The following ATP2A2 variants were observed in gnomAD, a reference collection of about 807,000 sequenced individuals.
The protein encoded by ATP2A2 is sarcoplasmic/endoplasmic reticulum calcium ATPase 2.
Under a neutral mutation model 109.3 loss-of-function variants are expected in ATP2A2, and 14 were observed. The observed-to-expected ratio is 0.13, with a 90% confidence interval of 0.08 to 0.20. The LOEUF is 0.20. Ranked by LOEUF, ATP2A2 falls within the 10% of genes least tolerant of loss-of-function variation. ATP2A2 has a pLI of 1.00. For synonymous variants in ATP2A2, 506 were observed against 490.9 expected (o/e 1.03, Z -0.41); for missense variants, 657 against 1,321.6 (o/e 0.50, Z 7.80).
chr12:110,328,073 T>TGCCTTC, intron 8 of ATP2A2, 56 bp downstream of exon 8: 1 of 1,529,694 alleles, frequency 6.5e-7, no homozygotes, highest in Non-Finnish European at 9.0e-7. Flanking sequence ...ATCCTACCAA[T>TGCCTTC]ATGCCTTCAT....
At chr12:110,332,104 C>T (rs920527719) in intron 8 of ATP2A2, 4 of 186,478 alleles carry the variant, frequency 2.1e-5, no homozygotes, top group Non-Finnish European at 4.5e-5. Flanking sequence ...TTATTTTACT[C>T]GGGAAATGTT....
At position 110,281,786 on chromosome 12, in the gene ATP2A2, A is replaced by G; in HGVS notation, c.-4A>G. On this transcript the variant is annotated 5_prime_UTR_variant, in exon 1 of 20. Coordinates refer to ENST00000539276, the MANE Select transcript of ATP2A2 (RefSeq NM_170665.4). Reference sequence around the variant, plus strand: ...GAGGCGAGGCCGGCCGGGCCCCCGAAGCCATGGAGAACGCGCACACCAAGA... The same window carrying G: ...GAGGCGAGGCCGGCCGGGCCCCCGAGGCCATGGAGAACGCGCACACCAAGA... 1 of 1,503,024 alleles carries G rather than the reference A, an allele frequency of 6.7e-7. No individual in the cohort carries two copies. Among genetic ancestry groups the G allele is most frequent in the Non-Finnish European group, 8.9e-7 (1 of 1,123,214 alleles). 93.1% of individuals were successfully genotyped at this position (1,503,024 alleles called of 1,614,324 possible).
At chr12:110,343,120 C>T in intron 15 of ATP2A2, 112 bp from the exon 16 acceptor site, 1 of 1,096,992 alleles carries the variant, frequency 9.1e-7, no homozygotes, top group African/African-American at 1.6e-5. Flanking sequence ...TACAGATTAC[C>T]TGAAGTTGTT....
intron 18 of ATP2A2, chr12:110,345,755 A>G (rs948111069): frequency 3.3e-5 from 20 of 600,366 alleles, no homozygotes; most frequent in East Asian, 5.8e-5. Flanking sequence ...CTCCAGGGCA[A>G]TTGGGAACAG....
In ATP2A2 at chr12:110,348,015, A is replaced by C. The variant is rs1215343981; in HGVS notation, c.*1545A>C. 2.4e-5 allele frequency: 24 copies of C among 987,542 alleles called. No homozygotes were observed. The highest frequency in any genetic ancestry group is 2.8e-5 in the Non-Finnish European group (23 of 831,454). The allele number at this position is 987,542 out of a possible 1,614,324, so 61.2% of individuals were successfully genotyped here. On this transcript the variant is annotated 3_prime_UTR_variant, in exon 20 of 20. Coordinates refer to ENST00000539276, the MANE Select transcript of ATP2A2 (RefSeq NM_170665.4). ...TTTCATAGACCTCCACAGGCTGCCT[A>C]GGACAAGATGACCAGGAGGGCCCAA...
Position 110,342,570 on chromosome 12 carries a change from G to T in ATP2A2, c.2318+122G>T. On this transcript the variant is annotated intron_variant, in intron 15 of 19. Transcript: ENST00000539276. The surrounding 1 kb of genome is among the most constrained non-coding windows in gnomAD (Gnocchi z 4.6). Reference sequence around the variant, plus strand: ...TGGTCTTTGTGCCTGAGTTGGAAGAGGGGAGTGGGCAAGACAGAAATGCCT... The same window carrying T: ...TGGTCTTTGTGCCTGAGTTGGAAGATGGGAGTGGGCAAGACAGAAATGCCT... 8.4e-7 allele frequency: 1 copy of T among 1,196,376 alleles called. No homozygotes were observed. The highest frequency in any genetic ancestry group is 2.5e-5 in the East Asian group (1 of 39,310). The allele number at this position is 1,196,376 out of a possible 1,614,324, so 74.1% of individuals were successfully genotyped here.
At chr12:110,334,218 C>G (rs1311536147) in intron 11 of ATP2A2, 75 bp downstream of exon 11, 8 of 1,567,172 alleles carry the variant, frequency 5.1e-6, no homozygotes, top group Non-Finnish European at 7.0e-6. Flanking sequence ...CTGCACTGTC[C>G]TACTCTCTTA....
chr12:110,302,784 A>G (rs1371752668), intron 5 of ATP2A2, among the ~76,000 whole-genome samples: 1 of 152,062 alleles, frequency 6.6e-6, no homozygotes, highest in Non-Finnish European at 1.5e-5. Flanking sequence ...GTTGTAGTAG[A>G]GATGGGGTTT....
chr12:110,330,756 G>A (rs1878256350), intron 8 of ATP2A2: 1 of 152,116 alleles, frequency 6.6e-6, no homozygotes. Flanking sequence ...GGTGCTAATT[G>A]GTATTCTGCA....
In ATP2A2 at chr12:110,342,555, GC is replaced by G; in HGVS notation, c.2318+109del. 1 of 1,333,548 alleles carries G rather than the reference GC, an allele frequency of 7.5e-7. No homozygotes were observed. The highest frequency in any genetic ancestry group is 1.3e-5 in the South Asian group (1 of 79,782). The allele number at this position is 1,333,548 out of a possible 1,614,324, so 82.6% of individuals were successfully genotyped here. A position where few individuals can be genotyped will look rare whatever the true frequency, so the allele number is the denominator to read the frequency against. On this transcript the variant is annotated intron_variant, in intron 15 of 19. Transcript: ENST00000539276. This position sits in a 1 kb window ranked among gnomAD's most constrained non-coding sequence, Gnocchi z 4.6. ...AGATTGCAGCAGCTTTGGTCTTTGT[GC>G]CTGAGTTGGAAGAGGGGAGTGGGCA...
In ATP2A2 at chr12:110,282,720, C is replaced by T. The variant is rs1293005024; in HGVS notation, c.144C>T (p.Thr48=). The change falls in exon 3 of 20, where the codon ACC becomes ACT. Residue 48 remains threonine (T), a synonymous_variant. Transcript: ENST00000539276. ...TGTGTTTGTTTCTTACAGGAAAAACCTTGCTGGAACTTGTGATTGAGCAGT... is the reference window on the plus strand; with the variant it reads ...TGTGTTTGTTTCTTACAGGAAAAACTTTGCTGGAACTTGTGATTGAGCAGT... The part of the protein sequence containing the change: ...SNELPAEEGK[T]LLELVIEQFE... The T allele has an allele frequency of 5.0e-6, 8 of 1,613,904 alleles. No homozygotes were observed. Among genetic ancestry groups the T allele is most frequent in the African/African-American group, 2.7e-5 (2 of 74,868 alleles).
At chr12:110,315,338 C>T (rs576163252) in intron 5 of ATP2A2, among the ~76,000 whole-genome samples, 1 of 152,286 alleles carries the variant, frequency 6.6e-6, no homozygotes, top group Non-Finnish European at 1.5e-5. Context: ...AATTGGTTAC[C>T]TTTCTACCCC....
At chr12:110,317,140 A>G (rs984528504) in intron 5 of ATP2A2, among the ~76,000 whole-genome samples, 3 of 152,194 alleles carry the variant, frequency 2.0e-5, no homozygotes, top group Non-Finnish European at 4.4e-5. Flanking sequence ...TACAAAATTT[A>G]TGACTCAAAT....
chr12:110,297,593 G>A (rs1255055625), intron 5 of ATP2A2, among the ~76,000 whole-genome samples: 2 of 151,966 alleles, frequency 1.3e-5, no homozygotes, highest in Non-Finnish European at 2.9e-5. Context: ...CCTCACTGCT[G>A]TAGATTAGTG....
At chr12:110,282,931 C>T in intron 3 of ATP2A2, 136 bp downstream of exon 3, 1 of 803,156 alleles carries the variant, frequency 1.2e-6, no homozygotes, top group Non-Finnish European at 2.0e-6. Context: ...TAAAAACAAT[C>T]TGGGCATTTT....
intron 11 of ATP2A2, among the ~76,000 whole-genome samples, chr12:110,338,397 C>T (rs532310926): frequency 4.9e-4 from 74 of 152,336 alleles, no homozygotes; most frequent in Middle Eastern, 3.4e-3. Flanking sequence ...CTCTTCACCT[C>T]CAACGTTCCC....
At chr12:110,310,068 T>TA (rs60079356) in intron 5 of ATP2A2, among the ~76,000 whole-genome samples, 1 of 152,208 alleles carries the variant, frequency 6.6e-6, no homozygotes, top group East Asian at 1.9e-4. Context: ...TCATTGTTTT[T>TA]AAGCTTTCTG....
intron 4 of ATP2A2, among the ~76,000 whole-genome samples, chr12:110,295,662 G>A (rs1294702835): frequency 5.9e-5 from 9 of 152,094 alleles, no homozygotes; most frequent in Non-Finnish European, 1.3e-4. Context: ...TGAGGTACAC[G>A]TGTTACCAGC....
intron 5 of ATP2A2, among the ~76,000 whole-genome samples, chr12:110,318,525 C>G (rs1051420111): frequency 6.6e-6 from 1 of 152,140 alleles, no homozygotes; most frequent in African/African-American, 2.4e-5. Flanking sequence ...TTCACCCAGG[C>G]TGGAGTGGCG....
Sources: gnomAD v4.1 joint callset for allele counts (sites outside exome capture counted in the v4.1 genomes callset) on GRCh38, gnomAD v4.1.1 for gene constraint, Gnocchi (gnomAD v3.1) non-coding constraint, MANE v1.5 for transcripts, NCBI Gene and HGNC (gene_info 2026-07-23, HGNC 2026-07-21) for gene names.